Variants in MED13L observed in about 807,000 individuals in gnomAD.
MED13L encodes mediator complex subunit 13L, also known as mediator of RNA polymerase II transcription subunit 13-like.
MED13L carries 7 observed loss-of-function variants against 220.9 expected under a neutral mutation model. The observed-to-expected ratio is 0.03, with a 90% CI of 0.02 to 0.06. The LOEUF is 0.06. Among genes scored for constraint, MED13L ranks in the 10% least tolerant of loss-of-function variants. MED13L has a pLI of 1.00. For missense variants in MED13L, 1,965 were observed against 2,760.5 expected (o/e 0.71, Z 6.46); for synonymous variants, 1,011 against 1,015.2 (o/e 1.00, Z 0.08).
At chr12:116,115,603 A>G (rs1565884517) in intron 2 of MED13L, among the ~76,000 whole-genome samples, 4 of 152,116 alleles carry the variant, frequency 2.6e-5, no homozygotes, top group South Asian at 2.1e-4. Flanking sequence ...TACAAATCAC[A>G]TATCTGACAA....
At chr12:115,970,487 G>T in intron 27 of MED13L, 107 bp downstream of exon 27, 1 of 1,185,378 alleles carries the variant, frequency 8.4e-7, no homozygotes, top group Non-Finnish European at 1.2e-6. Flanking sequence ...TATAGTTCCT[G>T]GGTTGTTTAT....
chr12:116,210,203 G>A (rs1190765481), intron 2 of MED13L, among the ~76,000 whole-genome samples: 1 of 152,110 alleles, frequency 6.6e-6, no homozygotes, highest in African/African-American at 2.4e-5. Flanking sequence ...ACAGTACACA[G>A]ATATTCTCTA....
intron 2 of MED13L, among the ~76,000 whole-genome samples, chr12:116,119,838 A>AAATATATATATAT (rs1555213242): frequency 6.3e-5 from 2 of 31,596 alleles, no homozygotes; most frequent in African/African-American, 1.4e-4. Flanking sequence ...AAAAAAAAAA[A>AAATATATATATAT]ATATATATAT....
intron 4 of MED13L, among the ~76,000 whole-genome samples, chr12:116,050,973 T>C (rs1868455537): frequency 6.6e-6 from 1 of 152,096 alleles, no homozygotes; most frequent in African/African-American, 2.4e-5. Flanking sequence ...GAAATTTACA[T>C]TCTTCAAATA....
At chr12:116,160,585 T>TAAA (rs113005311) in intron 2 of MED13L, among the ~76,000 whole-genome samples, 4 of 139,674 alleles carry the variant, frequency 2.9e-5, no homozygotes, top group Admixed American at 1.4e-4. Flanking sequence ...AACTTTAATT[T>TAAA]AAAAAAAAAA....
Position 116,237,671 on chromosome 12 carries a change from T to C in MED13L, c.107A>G (p.Asn36Ser), listed in dbSNP as rs370115918. The change falls in exon 2 of 31, where the codon AAT (asparagine) becomes AGT (serine). Residue 36 changes from asparagine (N) to serine (S), a missense_variant. Transcript: ENST00000281928. ...ELTGIKWRRYNFGGHGDCGPI... is the reference protein window; with the variant it reads ...ELTGIKWRRYSFGGHGDCGPI... ...TCCACAGTCCCCATGCCCTCCAAAA[T>C]TGTACCTACGCCATTTGATTCCCGT... The C allele has an allele frequency of 3.9e-5, 63 of 1,614,002 alleles. No individual in the cohort carries two copies. Among genetic ancestry groups the C allele is most frequent in the Non-Finnish European group, 3.5e-5 (41 of 1,180,012 alleles).
intron 4 of MED13L, among the ~76,000 whole-genome samples, chr12:116,055,173 A>C (rs1211126886): frequency 6.6e-6 from 1 of 152,220 alleles, no homozygotes; most frequent in Non-Finnish European, 1.5e-5. Context: ...ATGACTAAAA[A>C]GAGGCATAAG....
chr12:116,266,969 T>G (rs1872878758), intron 1 of MED13L, among the ~76,000 whole-genome samples: 1 of 152,232 alleles, frequency 6.6e-6, no homozygotes, highest in African/African-American at 2.4e-5. Context: ...CAGTAAGGGT[T>G]GTGACATGTG....
chr12:116,228,468 C>T (rs146135586), intron 2 of MED13L, among the ~76,000 whole-genome samples: 1 of 152,242 alleles, frequency 6.6e-6, no homozygotes, highest in East Asian at 1.9e-4. Context: ...AAGGCGAACA[C>T]CAACCATGCC....
intron 4 of MED13L, among the ~76,000 whole-genome samples, chr12:116,046,558 A>C (rs1881848557): frequency 6.6e-6 from 1 of 152,238 alleles, no homozygotes; most frequent in South Asian, 2.1e-4. Flanking sequence ...ATAATTAAAT[A>C]AAGATATTTG....
At chr12:115,964,391 TG>T (rs896155831) in intron 29 of MED13L, among the ~76,000 whole-genome samples, 1 of 152,202 alleles carries the variant, frequency 6.6e-6, no homozygotes, top group Non-Finnish European at 1.5e-5. Flanking sequence ...CTGTCCCACT[TG>T]AAGTCACATG....
At chr12:116,272,861 T>C (rs190720802) in intron 1 of MED13L, among the ~76,000 whole-genome samples, 14 of 152,310 alleles carry the variant, frequency 9.2e-5, no homozygotes, top group Non-Finnish European at 2.1e-4. Context: ...TACTTAAAAA[T>C]ATTTACTAGC....
At chr12:116,019,453 AGAATT>A (rs1323444548) in intron 6 of MED13L, 41 bp from the exon 7 acceptor site, 2 of 1,601,012 alleles carry the variant, frequency 1.2e-6, no homozygotes, top group Non-Finnish European at 1.7e-6. Context: ...GGACTGAGAA[AGAATT>A]CATACAAGAC....
rs1162486120 is a variant in MED13L, at chr12:116,237,677, C to G, written c.101G>C (p.Arg34Thr). ...GTCCCCATGCCCTCCAAAATTGTAC[C>G]TACGCCATTTGATTCCCGTGAGTTC... ...LAELTGIKWR[R>T]YNFGGHGDCG... Residue 34 changes from arginine to threonine, a missense_variant, in exon 2 of 31, where the codon AGG becomes ACG. By Grantham distance (71) the Arg-to-Thr change is moderately conservative. Around this residue, in one of 10 missense-constraint regions of MED13L, gnomAD observed 818 missense variants for 1,041.2 expected, o/e 0.79. Coordinates refer to ENST00000281928, the MANE Select transcript of MED13L (RefSeq NM_015335.5). 1 of 1,614,182 alleles carries G rather than the reference C, an allele frequency of 6.2e-7. No homozygotes were observed. Among genetic ancestry groups the G allele is most frequent in the Non-Finnish European group, 8.5e-7 (1 of 1,180,034 alleles).
chr12:116,238,045 CA>C (rs1251814992), intron 1 of MED13L, among the ~76,000 whole-genome samples: 1 of 152,170 alleles, frequency 6.6e-6, no homozygotes, highest in Admixed American at 6.5e-5. Flanking sequence ...ATTCAACTCA[CA>C]AATTATATTT....
chr12:116,019,456 A>G, intron 6 of MED13L, 44 bp from the exon 7 acceptor site: 1 of 1,598,570 alleles, frequency 6.3e-7, no homozygotes, highest in Non-Finnish European at 8.6e-7. Context: ...CTGAGAAAGA[A>G]TTCATACAAG....
At chr12:115,986,944 C>T (rs1877730843) in intron 18 of MED13L, among the ~76,000 whole-genome samples, 165 bp downstream of exon 18, 1 of 152,146 alleles carries the variant, frequency 6.6e-6, no homozygotes, top group Non-Finnish European at 1.5e-5. Flanking sequence ...GGAAACTTGA[C>T]TCCAAAAGTA....
intron 1 of MED13L, among the ~76,000 whole-genome samples, chr12:116,253,184 C>A (rs1427842809): frequency 1.3e-5 from 2 of 148,576 alleles, no homozygotes; most frequent in African/African-American, 5.0e-5. Context: ...ATATCTTGAA[C>A]CTGGGTGGGG....
At chr12:115,992,736 T>C (rs1317765674) in intron 16 of MED13L, among the ~76,000 whole-genome samples, 1 of 152,228 alleles carries the variant, frequency 6.6e-6, no homozygotes, top group Non-Finnish European at 1.5e-5. Flanking sequence ...TGGTAAGCAC[T>C]TCATTTTTCA....
Sources: gnomAD v4.1 joint callset for allele counts (sites outside exome capture counted in the v4.1 genomes callset) on GRCh38, gnomAD v4.1.1 for gene constraint, gnomAD v4.1.1 regional missense constraint, MANE v1.5 for transcripts, NCBI Gene and HGNC (gene_info 2026-07-23, HGNC 2026-07-21) for gene names.